The following ASIC2 variants were observed in gnomAD, a reference collection of about 807,000 sequenced individuals.
ASIC2 encodes the protein acid-sensing ion channel 2.
ASIC2 carries 25 observed loss-of-function variants against 57.3 expected under a neutral mutation model. The observed-to-expected ratio is 0.44, with a 90% CI of 0.32 to 0.61. The LOEUF (loss-of-function observed/expected upper bound fraction) is 0.61. Ranked by LOEUF, ASIC2 falls within the 20% of genes least tolerant of loss-of-function variation. The pLI, the probability that ASIC2 is intolerant of heterozygous loss-of-function variation, is 0.06. For synonymous variants in ASIC2, 319 were observed against 307.5 expected, an observed-to-expected ratio of 1.04 and a Z score of -0.39; for missense variants, 641 against 738.1, an observed-to-expected ratio of 0.87 and a Z score of 1.52.
chr17:33,831,472 C>T (rs1913108948), intron 1 of ASIC2, among the ~76,000 whole-genome samples: 1 of 152,068 alleles, frequency 6.6e-6, no homozygotes, highest in African/African-American at 2.4e-5. Flanking sequence ...CAAGACCACA[C>T]TGTCTTCCCT....
intron 1 of ASIC2, among the ~76,000 whole-genome samples, chr17:33,484,099 A>G (rs1054939664): frequency 2.6e-5 from 4 of 152,242 alleles, no homozygotes; most frequent in Non-Finnish European, 5.9e-5. Context: ...AGCCCTGCTA[A>G]TGATGTCTTA....
intron 1 of ASIC2, among the ~76,000 whole-genome samples, chr17:33,182,748 T>C (rs748017702): frequency 6.6e-5 from 10 of 152,174 alleles, no homozygotes; most frequent in Admixed American, 1.3e-4. Context: ...TCAGAGCCAT[T>C]GTATTTAAAT....
At chr17:33,419,929 G>A (rs1284001084) in intron 1 of ASIC2, among the ~76,000 whole-genome samples, 1 of 152,040 alleles carries the variant, frequency 6.6e-6, no homozygotes, top group East Asian at 1.9e-4. Flanking sequence ...TCCATTCACA[G>A]ACACAAGTGT....
chr17:33,863,793 A>G (rs888215579), intron 1 of ASIC2, among the ~76,000 whole-genome samples: 1 of 152,244 alleles, frequency 6.6e-6, no homozygotes, highest in African/African-American at 2.4e-5. Flanking sequence ...TAATAAAGAA[A>G]GAACAAATCT....
At chr17:33,095,980 C>T (rs2092177395) in intron 2 of ASIC2, among the ~76,000 whole-genome samples, 1 of 152,214 alleles carries the variant, frequency 6.6e-6, no homozygotes, top group Non-Finnish European at 1.5e-5. Flanking sequence ...TTATACCCGG[C>T]AGTGGCATCT....
chr17:33,901,332 T>A (rs190008958), intron 1 of ASIC2, among the ~76,000 whole-genome samples: 1 of 152,166 alleles, frequency 6.6e-6, no homozygotes, highest in African/African-American at 2.4e-5. Flanking sequence ...CAGTGGCCAG[T>A]TTTTCCAGTT....
At chr17:33,500,407 A>T (rs1011600079) in intron 1 of ASIC2, among the ~76,000 whole-genome samples, 1 of 152,188 alleles carries the variant, frequency 6.6e-6, no homozygotes, top group Non-Finnish European at 1.5e-5. Flanking sequence ...TGGCCCACTC[A>T]AGATCATCAC....
At chr17:33,883,905 G>A (rs1199076987) in intron 1 of ASIC2, among the ~76,000 whole-genome samples, 2 of 152,080 alleles carry the variant, frequency 1.3e-5, no homozygotes, top group Non-Finnish European at 2.9e-5. Context: ...GCACGGATGA[G>A]CAAATCAAAG....
At chr17:34,029,476 A>G (rs1048548578) in intron 1 of ASIC2, among the ~76,000 whole-genome samples, 1 of 152,190 alleles carries the variant, frequency 6.6e-6, no homozygotes, top group Non-Finnish European at 1.5e-5. Context: ...TTGCATGAAT[A>G]ATCTCACTTA....
At chr17:33,953,807 A>G (rs1904650750) in intron 1 of ASIC2, among the ~76,000 whole-genome samples, 1 of 152,136 alleles carries the variant, frequency 6.6e-6, no homozygotes, top group Non-Finnish European at 1.5e-5. Context: ...GGGATTGCAA[A>G]CTAGACCATG....
intron 1 of ASIC2, chr17:34,002,415 T>A (rs1043814300): frequency 1.3e-5 from 2 of 152,254 alleles, no homozygotes; most frequent in African/African-American, 4.8e-5. Context: ...AGGCTTCAGA[T>A]TTTTCCCAAC....
intron 1 of ASIC2, among the ~76,000 whole-genome samples, chr17:33,491,976 C>A (rs188386091): frequency 1.1e-3 from 174 of 152,232 alleles, no homozygotes; most frequent in African/African-American, 4.0e-3. Flanking sequence ...TTTTTTGTAG[C>A]GGCTTTTTGG....
chr17:33,037,850 C>A (rs964079631), intron 3 of ASIC2, among the ~76,000 whole-genome samples: 25 of 152,134 alleles, frequency 1.6e-4, no homozygotes, highest in Non-Finnish European at 3.1e-4. Context: ...ATAATAAAAT[C>A]ACTGTCTTGG....
intron 1 of ASIC2, among the ~76,000 whole-genome samples, chr17:34,011,534 A>G (rs1403478149): frequency 1.3e-5 from 2 of 151,998 alleles, no homozygotes; most frequent in African/African-American, 2.4e-5. Flanking sequence ...CCTACATGCT[A>G]GAAATCCTCC....
chr17:33,281,610 T>C (rs1904953725), intron 1 of ASIC2, among the ~76,000 whole-genome samples: 1 of 152,230 alleles, frequency 6.6e-6, no homozygotes, highest in Admixed American at 6.5e-5. Flanking sequence ...CAAAAGCTTA[T>C]ACTAAAACAT....
chr17:33,848,289 G>C (rs575168027), intron 1 of ASIC2, among the ~76,000 whole-genome samples: 2 of 152,128 alleles, frequency 1.3e-5, no homozygotes, highest in Admixed American at 6.5e-5. Context: ...TGCCAACTAA[G>C]GGGCAGGCAA....
At chr17:33,181,107 A>G (rs965902910) in intron 1 of ASIC2, among the ~76,000 whole-genome samples, 3 of 152,288 alleles carry the variant, frequency 2.0e-5, no homozygotes, top group Admixed American at 2.0e-4. Context: ...ACCATCCACC[A>G]GGGGTCATGT....
chr17:33,159,448 T>G (rs929840028), intron 1 of ASIC2, among the ~76,000 whole-genome samples: 5 of 152,148 alleles, frequency 3.3e-5, no homozygotes, highest in African/African-American at 1.2e-4. Context: ...GGAGACACTG[T>G]TCTAGATCAG....
At chr17:33,877,266 T>A (rs957405395) in intron 1 of ASIC2, among the ~76,000 whole-genome samples, 2 of 152,076 alleles carry the variant, frequency 1.3e-5, no homozygotes, top group African/African-American at 2.4e-5. Context: ...TGTCGGACAG[T>A]GGGTGCAGGA....
Sources: allele counts gnomAD v4.1 joint callset (sites outside exome capture counted in the v4.1 genomes callset), GRCh38; gene constraint gnomAD v4.1.1; transcripts MANE v1.5; gene names NCBI Gene and HGNC (gene_info 2026-07-23, HGNC 2026-07-21).